The following ESR1 variants were observed in gnomAD, a reference collection of about 807,000 sequenced individuals.
ESR1 encodes the protein estrogen receptor.
In ESR1, 12 loss-of-function variants were observed where a neutral mutation model predicts 52.7. That is an observed-to-expected ratio of 0.23 (90% CI 0.15 to 0.37). The LOEUF is 0.37. ESR1 is among the 10% of genes least tolerant of loss of function. The probability of loss-of-function intolerance (pLI) is 1.00; values close to 1 mark genes in which losing one functional copy is unlikely to be tolerated. For missense variants in ESR1, 584 were observed against 779.7 expected (o/e 0.75, Z 2.99); for synonymous variants, 305 against 316.8 (o/e 0.96, Z 0.39).
chr6:152,043,636 A>G (rs748355124), intron 5 of ESR1, among the ~76,000 whole-genome samples: 43 of 152,214 alleles, frequency 2.8e-4, no homozygotes, highest in Non-Finnish European at 5.0e-4. Context: ...TAGGCAGTGC[A>G]GGGTTAAACT....
At chr6:151,698,372 TAA>T (rs56064813) in intron 1 of ESR1, among the ~76,000 whole-genome samples, 9 of 139,168 alleles carry the variant, frequency 6.5e-5, no homozygotes, top group Non-Finnish European at 9.4e-5. Context: ...GATCTTGTCT[TAA>T]AAAAAAAAAA....
intron 1 of ESR1, among the ~76,000 whole-genome samples, chr6:151,811,640 G>A (rs563321089): frequency 1.3e-5 from 2 of 152,292 alleles, no homozygotes; most frequent in East Asian, 3.9e-4. Context: ...GATTTCCAAA[G>A]TGAGATTTAA....
chr6:151,788,151 A>G (rs1257312766), intron 2 of ESR1, among the ~76,000 whole-genome samples: 1 of 152,220 alleles, frequency 6.6e-6, no homozygotes, highest in Non-Finnish European at 1.5e-5. Flanking sequence ...AACAAATAAA[A>G]CTATCAACAG....
exon 7 of ESR1, chr6:152,125,434 C>A: frequency 6.8e-7 from 1 of 1,470,022 alleles, no homozygotes; most frequent in South Asian, 1.4e-5. Context: ...GAGGCAGTTA[C>A]ATGACCATGG....
At chr6:152,121,847 T>C (rs946973425) in intron 6 of ESR1, 3 of 154,386 alleles carry the variant, frequency 1.9e-5, no homozygotes, top group Non-Finnish European at 4.3e-5. Context: ...AGTTTTTCTT[T>C]ATACCTCTAA....
At chr6:151,930,732 A>G (rs564934593) in intron 3 of ESR1, among the ~76,000 whole-genome samples, 2 of 152,154 alleles carry the variant, frequency 1.3e-5, no homozygotes, top group Non-Finnish European at 2.9e-5. Context: ...GCTGGTGATG[A>G]ATTCTCTGAA....
At chr6:151,757,571 T>C (rs1201914888) in intron 2 of ESR1, among the ~76,000 whole-genome samples, 1 of 152,220 alleles carries the variant, frequency 6.6e-6, no homozygotes, top group Non-Finnish European at 1.5e-5. Context: ...GAATTGCTGC[T>C]CAAATTACTG....
chr6:152,087,935 G>A (rs1015710980), intron 6 of ESR1, among the ~76,000 whole-genome samples: 10 of 152,124 alleles, frequency 6.6e-5, no homozygotes, highest in Non-Finnish European at 1.0e-4. Context: ...AAAACTCCAC[G>A]GGAGATTCTG....
intron 5 of ESR1, among the ~76,000 whole-genome samples, chr6:152,015,728 G>C (rs2043118301): frequency 6.6e-6 from 1 of 152,150 alleles, no homozygotes; most frequent in South Asian, 2.1e-4. Context: ...TAAAAACATT[G>C]CATAAATACA....
At chr6:151,857,331 T>C (rs1788026484) in intron 2 of ESR1, among the ~76,000 whole-genome samples, 1 of 152,202 alleles carries the variant, frequency 6.6e-6, no homozygotes, top group South Asian at 2.1e-4. Flanking sequence ...ATGATGTGCG[T>C]AGGTTATATG....
chr6:152,125,050 T>G (rs1432523067), intron 6 of ESR1, among the ~76,000 whole-genome samples: 1 of 152,214 alleles, frequency 6.6e-6, no homozygotes, highest in African/African-American at 2.4e-5. Context: ...ACACAGCCAG[T>G]GGCAGAAGAT....
chr6:151,991,399 A>G (rs2040999189), intron 4 of ESR1, among the ~76,000 whole-genome samples: 1 of 152,136 alleles, frequency 6.6e-6, no homozygotes, highest in Non-Finnish European at 1.5e-5. Flanking sequence ...AAAAACATTT[A>G]TTAAAAAGAG....
intron 3 of ESR1, among the ~76,000 whole-genome samples, chr6:151,904,170 T>C (rs536822203): frequency 6.6e-6 from 1 of 152,346 alleles, no homozygotes; most frequent in East Asian, 1.9e-4. Flanking sequence ...GCATAGTGCA[T>C]AGACCTGTAG....
chr6:151,772,899 G>T (rs755425038), intron 2 of ESR1, among the ~76,000 whole-genome samples: 2 of 152,096 alleles, frequency 1.3e-5, no homozygotes, highest in Non-Finnish European at 2.9e-5. Context: ...CTCTTCATTT[G>T]ACTATGCCTC....
At chr6:151,883,366 G>C (rs759768759) in intron 3 of ESR1, among the ~76,000 whole-genome samples, 12 of 151,626 alleles carry the variant, frequency 7.9e-5, no homozygotes, top group Non-Finnish European at 1.6e-4. Flanking sequence ...GACCTCAGGT[G>C]ATCCGCCCAC....
intron 2 of ESR1, among the ~76,000 whole-genome samples, chr6:151,720,427 C>T (rs1781373232): frequency 6.6e-6 from 1 of 152,138 alleles, no homozygotes; most frequent in Admixed American, 6.5e-5. Context: ...AGATATATAG[C>T]AAGTAGTATT....
chr6:151,917,141 C>T (rs1057385232), intron 3 of ESR1, among the ~76,000 whole-genome samples: 4 of 152,108 alleles, frequency 2.6e-5, no homozygotes, highest in African/African-American at 7.2e-5. Flanking sequence ...CAGCTCTACA[C>T]CAATCAGCAT....
chr6:152,059,256 A>C (rs572829186), intron 5 of ESR1, among the ~76,000 whole-genome samples: 1 of 152,076 alleles, frequency 6.6e-6, no homozygotes, highest in Non-Finnish European at 1.5e-5. Flanking sequence ...GCATGGAAGT[A>C]TACTAGAAGG....
chr6:152,090,708 G>C (rs1225108883), intron 6 of ESR1, among the ~76,000 whole-genome samples: 1 of 152,210 alleles, frequency 6.6e-6, no homozygotes, highest in Non-Finnish European at 1.5e-5. Flanking sequence ...AAAAGGAAGG[G>C]AGAATGTCCA....
Sources: allele counts gnomAD v4.1 joint callset (sites outside exome capture counted in the v4.1 genomes callset), GRCh38; gene constraint gnomAD v4.1.1; transcripts MANE v1.5; gene names NCBI Gene and HGNC (gene_info 2026-07-23, HGNC 2026-07-21).